The following GRAMD1B variants were observed in gnomAD, a reference collection of about 807,000 sequenced individuals.
GRAMD1B encodes the protein protein Aster-B.
Under a neutral mutation model 99.7 loss-of-function variants are expected in GRAMD1B, and 37 were observed. The observed-to-expected ratio is 0.37, with a 90% CI of 0.29 to 0.49. GRAMD1B has a LOEUF of 0.49. GRAMD1B is among the 20% of genes least tolerant of loss of function. GRAMD1B has a pLI of 0.98. For synonymous variants in GRAMD1B, 427 were observed against 387.6 expected (o/e 1.10, Z -1.19); for missense variants, 888 against 1,009.2 (o/e 0.88, Z 1.63).
At chr11:123,464,687 A>T (rs1465439504) in intron 1 of GRAMD1B, among the ~76,000 whole-genome samples, 3 of 152,248 alleles carry the variant, frequency 2.0e-5, no homozygotes, top group Admixed American at 2.0e-4. Flanking sequence ...TTTCCAGGTG[A>T]TTCTTATGCA....
chr11:123,451,083 G>A (rs1243295848), intron 1 of GRAMD1B, among the ~76,000 whole-genome samples: 1 of 152,140 alleles, frequency 6.6e-6, no homozygotes, highest in South Asian at 2.1e-4. Context: ...GGCAGAGAAT[G>A]GCACTCACAA....
At position 123,385,212 on chromosome 11, in the gene GRAMD1B, C is replaced by T. The variant is rs76537428; in HGVS notation, c.-176+26413C>T. The stretch of plus-strand genomic sequence containing the variant: ...ATAGCTTCATCTTTACATTTTCCTT[C>T]CCCCAGTCCAATCAATGACCCCATT... On this transcript the variant is annotated intron_variant, in intron 1 of 20. Transcript: ENST00000638157. Among the ~76,000 whole-genome samples, 771 of 152,266 alleles carry T rather than the reference C, an allele frequency of 5.1e-3. 4 individuals carry two copies. Among genetic ancestry groups the T allele is most frequent in the African/African-American group, 0.018 (741 of 41,564 alleles).
chr11:123,435,508 A>C, intron 1 of GRAMD1B: 1 of 693,104 alleles, frequency 1.4e-6, no homozygotes, highest in Non-Finnish European at 2.6e-6. Flanking sequence ...TTCTCCTTAA[A>C]CCCTAGGAAG....
Position 123,558,832 on chromosome 11 carries a change from A to G in GRAMD1B, c.453-18535A>G, listed in dbSNP as rs191871573. ...GATACTGTGCGGCTGCTGTTCTATC[A>G]ACGGGCTGCAGACAGAAGCAATCTT... On this transcript the variant is annotated intron_variant, in intron 2 of 19. Coordinates refer to ENST00000635736, the MANE Select transcript of GRAMD1B (RefSeq NM_001387025.1). Among the ~76,000 whole-genome samples, 93 of 152,350 alleles carry G rather than the reference A, an allele frequency of 6.1e-4. No individual in the cohort carries two copies. In the Middle Eastern group the frequency reaches 0.014, roughly 22 times the overall value.
intron 2 of GRAMD1B, among the ~76,000 whole-genome samples, chr11:123,531,730 GTTTTTTTT>G (rs57528529): frequency 2.6e-5 from 2 of 78,082 alleles, no homozygotes; most frequent in African/African-American, 8.6e-5. Context: ...TTGCTAGATG[GTTTTTTTT>G]TTTTTTTTTT....
At chr11:123,435,257 C>T (rs535653605) in intron 1 of GRAMD1B, among the ~76,000 whole-genome samples, 3 of 152,242 alleles carry the variant, frequency 2.0e-5, no homozygotes, top group East Asian at 3.9e-4. Context: ...CCCAAATCTC[C>T]TGCTCCAAAA....
intron 2 of GRAMD1B, among the ~76,000 whole-genome samples, chr11:123,551,104 AC>A (rs1945562477): frequency 6.6e-6 from 1 of 152,220 alleles, no homozygotes. Context: ...ACTCTCACGC[AC>A]CTGCTTTAGC....
At chr11:123,387,126 G>A (rs919490948) in intron 1 of GRAMD1B, among the ~76,000 whole-genome samples, 18 of 152,162 alleles carry the variant, frequency 1.2e-4, no homozygotes, top group African/African-American at 3.9e-4. Flanking sequence ...AGATGTGAAA[G>A]GTAGAAGCAG....
At chr11:123,414,072 T>TA (rs781756982) in intron 1 of GRAMD1B, among the ~76,000 whole-genome samples, 13 of 148,954 alleles carry the variant, frequency 8.7e-5, no homozygotes, top group Non-Finnish European at 1.5e-4. Flanking sequence ...TGAGACAGAG[T>TA]CTTGCTCTGT....
intron 2 of GRAMD1B, among the ~76,000 whole-genome samples, chr11:123,562,427 C>T (rs756443536): frequency 5.9e-5 from 9 of 152,168 alleles, no homozygotes; most frequent in African/African-American, 9.7e-5. Flanking sequence ...CCTTGTGGGC[C>T]GGGCTGTCTC....
In GRAMD1B at chr11:123,492,451, G is replaced by A. The variant is rs1369634084; in HGVS notation, c.452+11558G>A. Among the ~76,000 whole-genome samples, 6 of 152,100 alleles carry A rather than the reference G, an allele frequency of 3.9e-5. No individual in the cohort carries two copies. In the South Asian group the frequency reaches 1.2e-3, roughly 31 times the overall value. On this transcript the variant is annotated intron_variant, in intron 2 of 19. Transcript: ENST00000635736. This position sits in a 1 kb window ranked among gnomAD's most constrained non-coding sequence, Gnocchi z 4.2. ...TTGGTCTGACTCCAGAATTATTTGAGCATGCATCAGATGTGGGGTGCTTTT... is the reference window on the plus strand; with the variant it reads ...TTGGTCTGACTCCAGAATTATTTGAACATGCATCAGATGTGGGGTGCTTTT...
At chr11:123,424,518 C>T (rs1407381501) in intron 1 of GRAMD1B, among the ~76,000 whole-genome samples, 3 of 152,180 alleles carry the variant, frequency 2.0e-5, no homozygotes, top group Non-Finnish European at 2.9e-5. Flanking sequence ...AATCTGACCC[C>T]TCATTTGTCC....
At chr11:123,475,531 A>C (rs1667250030) in intron 1 of GRAMD1B, among the ~76,000 whole-genome samples, 1 of 152,256 alleles carries the variant, frequency 6.6e-6, no homozygotes, top group South Asian at 2.1e-4. Context: ...GGAGGGATTA[A>C]AGTCATCCTA....
chr11:123,586,447 T>C (rs1950082324), intron 4 of GRAMD1B, among the ~76,000 whole-genome samples: 1 of 152,202 alleles, frequency 6.6e-6, no homozygotes, highest in Admixed American at 6.5e-5. Flanking sequence ...TTAGCTCAGA[T>C]CATTCATTCT....
intron 1 of GRAMD1B, among the ~76,000 whole-genome samples, chr11:123,464,229 G>C (rs562090854): frequency 6.6e-6 from 1 of 152,004 alleles, no homozygotes; most frequent in African/African-American, 2.4e-5. Flanking sequence ...GCTTGAGCCT[G>C]GGAGTTGAAG....
intron 17 of GRAMD1B, 89 bp downstream of exon 17, chr11:123,614,924 C>G: frequency 1.4e-6 from 1 of 714,114 alleles, no homozygotes; most frequent in Admixed American, 2.3e-5. Flanking sequence ...AGCATCTGAG[C>G]ACCCTTACTG....
In GRAMD1B at chr11:123,626,261, T is replaced by C. The variant is rs1318172338; in HGVS notation, c.*3666T>C. On this transcript the variant is annotated 3_prime_UTR_variant, in exon 20 of 20. Coordinates refer to ENST00000635736, the MANE Select transcript of GRAMD1B (RefSeq NM_001387025.1). ...AGTATGAAGCTTTGGCTAAAACCCT[T>C]GGGTTTGCCTTAGAACACTGACACT... The C allele has an allele frequency of 6.6e-6, 1 of 152,146 alleles. No individual in the cohort carries two copies. The highest frequency in any genetic ancestry group is 1.5e-5 in the Non-Finnish European group (1 of 68,030). 9.4% of individuals were successfully genotyped at this position (152,146 alleles called of 1,614,324 possible).
At chr11:123,456,712 G>T (rs915144793) in intron 1 of GRAMD1B, among the ~76,000 whole-genome samples, 1 of 152,000 alleles carries the variant, frequency 6.6e-6, no homozygotes, top group African/African-American at 2.4e-5. Flanking sequence ...TTGAGGTCAG[G>T]AGTTTGAGAC....
intron 1 of GRAMD1B, among the ~76,000 whole-genome samples, chr11:123,468,795 CAAAAAA>C (rs11446671): frequency 1.0e-5 from 1 of 98,046 alleles, no homozygotes; most frequent in Admixed American, 1.2e-4. Flanking sequence ...GACCCTGTAT[CAAAAAA>C]AAAAAAAAAA....
Sources: allele counts gnomAD v4.1 joint callset (sites outside exome capture counted in the v4.1 genomes callset), GRCh38; gene constraint gnomAD v4.1.1; non-coding constraint Gnocchi (gnomAD v3.1); transcripts MANE v1.5; gene names NCBI Gene and HGNC (gene_info 2026-07-23, HGNC 2026-07-21).